Variants in IMMP2L observed in about 807,000 individuals in gnomAD.
IMMP2L encodes mitochondrial inner membrane protease subunit 2.
IMMP2L carries 18 observed loss-of-function variants against 19.3 expected under a neutral mutation model. The observed-to-expected ratio is 0.93, with a 90% CI of 0.64 to 1.38. The LOEUF (loss-of-function observed/expected upper bound fraction) is 1.38, where lower values mean the gene tolerates loss of function less well. IMMP2L is among the 40% of genes most tolerant of loss of function. The probability of loss-of-function intolerance (pLI) is 0.00; values close to 1 mark genes in which losing one functional copy is unlikely to be tolerated. For synonymous variants in IMMP2L, 76 were observed against 73.0 expected (o/e 1.04, Z -0.21); for missense variants, 233 against 218.2 (o/e 1.07, Z -0.43).
chr7:111,471,543 C>A (rs1012128341), intron 3 of IMMP2L, among the ~76,000 whole-genome samples: 1 of 151,740 alleles, frequency 6.6e-6, no homozygotes, highest in Admixed American at 6.6e-5. Context: ...ATTTTTAAGA[C>A]CTTATTTCGA....
intron 4 of IMMP2L, among the ~76,000 whole-genome samples, chr7:110,895,269 T>C (rs1811209971): frequency 6.6e-6 from 1 of 152,116 alleles, no homozygotes; most frequent in Admixed American, 6.6e-5. Context: ...TCCACTGGGT[T>C]CCTCCCATGA....
chr7:110,996,161 A>G (rs1457692253), intron 3 of IMMP2L, among the ~76,000 whole-genome samples: 1 of 152,176 alleles, frequency 6.6e-6, no homozygotes, highest in Non-Finnish European at 1.5e-5. Context: ...ACAAGTCAAA[A>G]TACCATTGGA....
chr7:110,958,024 C>A (rs1435852031), intron 4 of IMMP2L, among the ~76,000 whole-genome samples: 1 of 151,884 alleles, frequency 6.6e-6, no homozygotes, highest in African/African-American at 2.4e-5. Context: ...GGTATCTAGA[C>A]CAGTGCTTTT....
intron 5 of IMMP2L, among the ~76,000 whole-genome samples, chr7:110,818,730 A>C (rs1315384616): frequency 6.6e-6 from 1 of 152,108 alleles, no homozygotes; most frequent in East Asian, 1.9e-4. Flanking sequence ...ACAACGATAG[A>C]CTGGATTAAG....
chr7:111,366,983 T>C (rs1829827598), intron 3 of IMMP2L, among the ~76,000 whole-genome samples: 1 of 151,884 alleles, frequency 6.6e-6, no homozygotes, highest in Admixed American at 6.6e-5. Context: ...AACTTTGATG[T>C]AAGTTTAAAA....
At chr7:111,131,597 A>T (rs778798941) in intron 3 of IMMP2L, among the ~76,000 whole-genome samples, 3 of 151,986 alleles carry the variant, frequency 2.0e-5, no homozygotes, top group Non-Finnish European at 4.4e-5. Flanking sequence ...GCCATCTTAC[A>T]ATATGACAGG....
intron 3 of IMMP2L, among the ~76,000 whole-genome samples, chr7:111,437,110 T>C (rs1200076879): frequency 1.3e-5 from 2 of 151,698 alleles, no homozygotes; most frequent in Non-Finnish European, 2.9e-5. Flanking sequence ...ATAACGCACT[T>C]ATTCTTTTTT....
rs546927368 is a variant in IMMP2L, at chr7:110,903,502, T to C, written c.306-16807A>G. 4.6e-5 allele frequency among the ~76,000 whole-genome samples: 7 copies of C among 152,322 alleles called. No individual in the cohort carries two copies. In the South Asian group the frequency reaches 1.4e-3, roughly 32 times the overall value. ...TAGATACCTCATGTAAGTGAAATCA[T>C]GTAATATTGGTTCGTCTTTGTGTGA... On this transcript the variant is annotated intron_variant, in intron 4 of 5. Coordinates refer to ENST00000405709, the MANE Select transcript of IMMP2L (RefSeq NM_032549.4).
chr7:111,044,755 C>CT (rs960178237), intron 3 of IMMP2L, among the ~76,000 whole-genome samples: 3 of 152,032 alleles, frequency 2.0e-5, no homozygotes, highest in African/African-American at 7.2e-5. Context: ...CAATTTGATA[C>CT]TTTTTTTATC....
intron 3 of IMMP2L, among the ~76,000 whole-genome samples, chr7:111,377,076 AAAAT>A (rs1830738974): frequency 6.6e-6 from 1 of 151,946 alleles, no homozygotes; most frequent in Admixed American, 6.6e-5. Context: ...AGGTGTTTTT[AAAAT>A]AAATATATGT....
chr7:110,706,345 C>A (rs560368276), intron 5 of IMMP2L, among the ~76,000 whole-genome samples: 1 of 152,190 alleles, frequency 6.6e-6, no homozygotes, highest in Non-Finnish European at 1.5e-5. Context: ...CCCCAGCAAT[C>A]CTTCCACCTT....
chr7:111,495,113 T>A (rs1843471126), intron 2 of IMMP2L, among the ~76,000 whole-genome samples: 1 of 152,126 alleles, frequency 6.6e-6, no homozygotes, highest in South Asian at 2.1e-4. Context: ...TGTTTTACAT[T>A]CTTATTTTTA....
At chr7:111,405,656 C>T (rs1379759484) in intron 3 of IMMP2L, among the ~76,000 whole-genome samples, 1 of 151,972 alleles carries the variant, frequency 6.6e-6, no homozygotes, top group Non-Finnish European at 1.5e-5. Context: ...CTCTGAGTTT[C>T]CCTCCTAGGT....
chr7:110,954,509 T>C (rs1401802387), intron 4 of IMMP2L, among the ~76,000 whole-genome samples: 1 of 152,104 alleles, frequency 6.6e-6, no homozygotes, highest in Non-Finnish European at 1.5e-5. Flanking sequence ...TATCTGATAC[T>C]TACTGAACAC....
chr7:111,138,153 C>T (rs186803139), intron 3 of IMMP2L, among the ~76,000 whole-genome samples: 9 of 152,250 alleles, frequency 5.9e-5, no homozygotes, highest in Admixed American at 5.2e-4. Context: ...TTTGTATAAA[C>T]CTACTTTAAA....
intron 3 of IMMP2L, among the ~76,000 whole-genome samples, chr7:111,468,847 T>C (rs1051452382): frequency 3.9e-5 from 6 of 152,152 alleles, no homozygotes; most frequent in Admixed American, 3.3e-4. Flanking sequence ...AAGTTAAAGA[T>C]GGAAGTGACT....
At chr7:111,049,193 T>G (rs554709329) in intron 3 of IMMP2L, among the ~76,000 whole-genome samples, 12 of 138,262 alleles carry the variant, frequency 8.7e-5, no homozygotes, top group South Asian at 4.8e-4. Flanking sequence ...TGCAGTGGCG[T>G]CATCTCGGCT....
At chr7:111,399,873 A>C (rs2131397972) in intron 3 of IMMP2L, among the ~76,000 whole-genome samples, 1 of 152,254 alleles carries the variant, frequency 6.6e-6, no homozygotes, top group South Asian at 2.1e-4. Flanking sequence ...ATAAAGTAAG[A>C]GAATCAACAA....
chr7:110,721,315 T>A (rs958896936), intron 5 of IMMP2L, among the ~76,000 whole-genome samples: 3 of 152,110 alleles, frequency 2.0e-5, no homozygotes, highest in African/African-American at 7.2e-5. Context: ...TTGCGAAGTG[T>A]TTGGCCAGTA....
Sources: gnomAD v4.1 joint callset for allele counts (sites outside exome capture counted in the v4.1 genomes callset) on GRCh38, gnomAD v4.1.1 for gene constraint, MANE v1.5 for transcripts, NCBI Gene and HGNC (gene_info 2026-07-23, HGNC 2026-07-21) for gene names.